PCNX1: variants seen among roughly 807,000 people sequenced by gnomAD.
PCNX1 encodes the protein pecanex 1, also known as pecanex-like protein 1.
A neutral mutation model predicts 242.2 loss-of-function variants in PCNX1; 78 were observed. The ratio of observed to expected loss-of-function variants is 0.32; its 90% CI spans 0.27 to 0.39. The LOEUF is 0.39. Ranked by LOEUF, PCNX1 falls within the 10% of genes least tolerant of loss-of-function variation. The probability of loss-of-function intolerance (pLI) is 1.00; values close to 1 mark genes in which losing one functional copy is unlikely to be tolerated. For synonymous variants in PCNX1, 1,024 were observed against 1,032.9 expected, an observed-to-expected ratio of 0.99 and a Z score of 0.17; for missense variants, 2,581 against 2,856.5, an observed-to-expected ratio of 0.90 and a Z score of 2.20.
intron 11 of PCNX1, among the ~76,000 whole-genome samples, chr14:71,015,049 A>G (rs374793965): frequency 5.3e-5 from 8 of 152,228 alleles, no homozygotes; most frequent in Admixed American, 3.3e-4. Flanking sequence ...GAGCATCTTT[A>G]AAGTACTGAA....
At chr14:70,942,037 C>G (rs142775376) in intron 1 of PCNX1, among the ~76,000 whole-genome samples, 1 of 152,264 alleles carries the variant, frequency 6.6e-6, no homozygotes, top group Admixed American at 6.5e-5. Context: ...GTCACAGCTT[C>G]CCTTGGCTAG....
chr14:70,972,036 T>C (rs2058557311), intron 5 of PCNX1, among the ~76,000 whole-genome samples: 1 of 152,210 alleles, frequency 6.6e-6, no homozygotes, highest in South Asian at 2.1e-4. Context: ...AGCAGGGACC[T>C]CACTCAGCAG....
chr14:71,074,996 T>C (rs2061679037), intron 27 of PCNX1, among the ~76,000 whole-genome samples: 1 of 146,354 alleles, frequency 6.8e-6, no homozygotes, highest in African/African-American at 2.5e-5. Flanking sequence ...TTCTCTTTTT[T>C]TTTTTTTTTT....
chr14:71,090,437 ATAATC>A (rs1566794366), intron 30 of PCNX1, among the ~76,000 whole-genome samples: 1 of 152,196 alleles, frequency 6.6e-6, no homozygotes, highest in African/African-American at 2.4e-5. Flanking sequence ...TCATTATAGT[ATAATC>A]TAAAGTGTGG....
intron 8 of PCNX1, among the ~76,000 whole-genome samples, chr14:70,998,083 G>T (rs933531680): frequency 6.6e-6 from 1 of 151,842 alleles, no homozygotes; most frequent in African/African-American, 2.4e-5. Context: ...ACATGTTTGA[G>T]TGCATATGTT....
chr14:71,096,156 A>G (rs1281560079), intron 30 of PCNX1, among the ~76,000 whole-genome samples: 1 of 152,126 alleles, frequency 6.6e-6, no homozygotes, highest in Non-Finnish European at 1.5e-5. Context: ...GATCTCTACT[A>G]AAAATACAAT....
At chr14:71,092,260 A>G (rs1177851927) in intron 30 of PCNX1, among the ~76,000 whole-genome samples, 1 of 152,266 alleles carries the variant, frequency 6.6e-6, no homozygotes, top group African/African-American at 2.4e-5. Flanking sequence ...TGCGCATTTT[A>G]CAAAATACCT....
At chr14:71,059,595 C>G (rs1006632337) in intron 26 of PCNX1, among the ~76,000 whole-genome samples, 7 of 151,954 alleles carry the variant, frequency 4.6e-5, no homozygotes, top group Non-Finnish European at 1.0e-4. Context: ...GTCTCACCAC[C>G]TTGCCAAGGC....
intron 8 of PCNX1, among the ~76,000 whole-genome samples, chr14:71,000,406 T>C: frequency 6.6e-6 from 1 of 152,202 alleles, no homozygotes; most frequent in East Asian, 1.9e-4. Context: ...CATGTGTATA[T>C]GCACTTAAAA....
At chr14:71,024,519 T>TA (rs373522375) in intron 13 of PCNX1, among the ~76,000 whole-genome samples, 1 of 152,084 alleles carries the variant, frequency 6.6e-6, no homozygotes, top group Non-Finnish European at 1.5e-5. Context: ...TTTTTTTTTT[T>TA]ATTTTTCACC....
intron 26 of PCNX1, among the ~76,000 whole-genome samples, chr14:71,059,444 C>T (rs988025426): frequency 2.6e-5 from 4 of 152,026 alleles, no homozygotes; most frequent in Non-Finnish European, 4.4e-5. Flanking sequence ...AGTGCAGTGG[C>T]GTGATCACAG....
intron 1 of PCNX1, among the ~76,000 whole-genome samples, chr14:70,932,004 T>C (rs1181861510): frequency 6.6e-6 from 1 of 152,174 alleles, no homozygotes; most frequent in East Asian, 1.9e-4. Context: ...ATACCTGTTA[T>C]CTGTCGCAGC....
chr14:70,983,536 C>T (rs2058907363), intron 6 of PCNX1, among the ~76,000 whole-genome samples: 1 of 152,162 alleles, frequency 6.6e-6, no homozygotes, highest in Non-Finnish European at 1.5e-5. Context: ...AACTCCTGAC[C>T]TTGTGATCCG....
At chr14:71,029,263 T>G (rs1344547789) in intron 16 of PCNX1, among the ~76,000 whole-genome samples, 6 of 152,166 alleles carry the variant, frequency 3.9e-5, no homozygotes, top group South Asian at 2.1e-4. Context: ...TTATGAACTT[T>G]CCTTTAAAAG....
intron 8 of PCNX1, among the ~76,000 whole-genome samples, chr14:71,004,604 T>G (rs2059601428): frequency 6.6e-6 from 1 of 152,196 alleles, no homozygotes. Flanking sequence ...AACTGGTCCC[T>G]TATGCCAGAA....
At chr14:70,910,297 C>T (rs1256819133) in intron 1 of PCNX1, among the ~76,000 whole-genome samples, 7 of 145,828 alleles carry the variant, frequency 4.8e-5, no homozygotes, top group Non-Finnish European at 1.1e-4. Context: ...ACCATTCTCT[C>T]TCCTGGATTA....
chr14:70,978,580 G>A lies in PCNX1; in HGVS notation c.2243G>A (p.Arg748Gln), dbSNP rs779740492. The A allele has an allele frequency of 9.3e-6, 15 of 1,613,902 alleles. No homozygotes were observed. Among genetic ancestry groups the A allele is most frequent in the African/African-American group, 1.3e-5 (1 of 74,904 alleles). ...GRASQLETVTRSRNSLPNQVA... is the reference protein window; with the variant it reads ...GRASQLETVTQSRNSLPNQVA... ...GCTTCCCAGTTAGAGACAGTCACTC[G>A]ATCTAGGAATAGCTTGCCAAACCAG... Residue 748 changes from arginine (R) to glutamine (Q), a missense_variant, in exon 6 of 36, where the codon CGA (arginine) becomes CAA (glutamine). Physicochemically the swap from Arg to Gln is conservative, Grantham distance 43. Coordinates refer to ENST00000304743, the MANE Select transcript of PCNX1 (RefSeq NM_014982.3).
chr14:70,921,748 C>T (rs1314523796), intron 1 of PCNX1, among the ~76,000 whole-genome samples: 2 of 152,080 alleles, frequency 1.3e-5, no homozygotes, highest in Non-Finnish European at 2.9e-5. Flanking sequence ...CTATTATGAA[C>T]CTTTTTGAAA....
Position 70,995,855 on chromosome 14 carries a change from G to C in PCNX1, c.2559G>C (p.Gly853=), listed in dbSNP as rs558318376. ...SASASLLVRN[G]SVHLEASHDN... ...GTGCCTCCTTGCTGGTGAGAAATGGGAGTGTCCACTTAGAAGCATCACATG... is the reference window on the plus strand; with the variant it reads ...GTGCCTCCTTGCTGGTGAGAAATGGCAGTGTCCACTTAGAAGCATCACATG... The change falls in exon 8 of 36, where the codon GGG becomes GGC. Residue 853 remains glycine, a synonymous_variant. Coordinates refer to ENST00000304743, the MANE Select transcript of PCNX1 (RefSeq NM_014982.3). The C allele has an allele frequency of 5.6e-6, 9 of 1,614,094 alleles. No individual in the cohort carries two copies. In the South Asian group the frequency reaches 9.9e-5, roughly 18 times the overall value.
Sources: allele counts gnomAD v4.1 joint callset (sites outside exome capture counted in the v4.1 genomes callset), GRCh38; gene constraint gnomAD v4.1.1; transcripts MANE v1.5; gene names NCBI Gene and HGNC (gene_info 2026-07-23, HGNC 2026-07-21).